Variants in OSBPL1A observed in about 807,000 individuals in gnomAD.
The protein encoded by OSBPL1A is oxysterol-binding protein-related protein 1.
OSBPL1A carries 80 observed loss-of-function variants against 137.1 expected under a neutral mutation model. The observed-to-expected ratio is 0.58, with a 90% CI of 0.49 to 0.70. The LOEUF (loss-of-function observed/expected upper bound fraction) is 0.70, where lower values mean the gene tolerates loss of function less well. OSBPL1A is among the 30% of genes least tolerant of loss of function. The pLI, the probability that OSBPL1A is intolerant of heterozygous loss-of-function variation, is 0.00. For synonymous variants in OSBPL1A, 365 were observed against 389.7 expected (o/e 0.94, Z 0.75); for missense variants, 970 against 1,129.4 (o/e 0.86, Z 2.02).
chr18:24,300,404 G>C (rs1333662512), intron 14 of OSBPL1A, among the ~76,000 whole-genome samples: 1 of 152,164 alleles, frequency 6.6e-6, no homozygotes, highest in East Asian at 1.9e-4. Context: ...ATTTATAAAA[G>C]ATTTTCAATG....
chr18:24,307,900 G>A (rs1158670423), intron 13 of OSBPL1A, among the ~76,000 whole-genome samples: 2 of 149,236 alleles, frequency 1.3e-5, no homozygotes, highest in African/African-American at 2.5e-5. Flanking sequence ...AGTGATTCTC[G>A]TGCCTCAGGC....
chr18:24,357,641 A>C (rs2091559342), intron 4 of OSBPL1A: 1 of 152,084 alleles, frequency 6.6e-6, no homozygotes, highest in Non-Finnish European at 1.5e-5. Context: ...CCAAAATTTA[A>C]TTTCCTTTCA....
intron 1 of OSBPL1A, among the ~76,000 whole-genome samples, chr18:24,384,507 A>G (rs988042087): frequency 1.3e-5 from 2 of 151,104 alleles, no homozygotes; most frequent in African/African-American, 4.9e-5. Context: ...CCGGGAGGTT[A>G]CAGTGAGCTG....
At chr18:24,368,064 G>A (rs1905289292) in intron 3 of OSBPL1A, 8 of 330,612 alleles carry the variant, frequency 2.4e-5, no homozygotes. Context: ...ATTTTTAAAA[G>A]CTAGTAATAA....
chr18:24,361,951 C>T (rs370931825), intron 4 of OSBPL1A, among the ~76,000 whole-genome samples: 2 of 143,564 alleles, frequency 1.4e-5, no homozygotes, highest in East Asian at 4.1e-4. Context: ...GAAGTGAGAT[C>T]GTGCCACTGC....
chr18:24,332,669 A>G (rs184518095), intron 7 of OSBPL1A, among the ~76,000 whole-genome samples: 1 of 152,266 alleles, frequency 6.6e-6, no homozygotes, highest in East Asian at 1.9e-4. Context: ...CCTAGGAACA[A>G]TAGTTCAGTG....
In OSBPL1A at chr18:24,256,938, C is replaced by T. The variant is rs747693027; in HGVS notation, c.1282-17556G>A. Reference sequence around the variant, plus strand: ...GATCTCTATGGTGAAAACTATAAAACGCTGATGAAAGAACTGAAGAGGATG... The same window carrying T: ...GATCTCTATGGTGAAAACTATAAAATGCTGATGAAAGAACTGAAGAGGATG... On this transcript the variant is annotated intron_variant, in intron 15 of 27. Coordinates refer to ENST00000319481, the MANE Select transcript of OSBPL1A (RefSeq NM_080597.4). Among the ~76,000 whole-genome samples the T allele has an allele frequency of 8.4e-5, 8 of 95,098 alleles. No individual in the cohort carries two copies. The East Asian group carries it at 1.1e-3, about 13-fold the overall frequency. 62.4% of individuals were successfully genotyped at this position (95,098 alleles called of 152,430 possible). A position where few individuals can be genotyped will look rare whatever the true frequency, so the allele number is the denominator to read the frequency against.
chr18:24,372,881 T>G lies in OSBPL1A; in HGVS notation c.122-4509A>C, dbSNP rs542248553. ...GAGTTGGAGACCAGCCTGGCCAACATGGTGAAACCCTGTCTCTACTAAAAA... is the reference window on the plus strand; with the variant it reads ...GAGTTGGAGACCAGCCTGGCCAACAGGGTGAAACCCTGTCTCTACTAAAAA... On this transcript the variant is annotated intron_variant, in intron 2 of 27. Coordinates refer to ENST00000319481, the MANE Select transcript of OSBPL1A (RefSeq NM_080597.4). Among the ~76,000 whole-genome samples, 6 of 152,182 alleles carry G rather than the reference T, an allele frequency of 3.9e-5. No individual in the cohort carries two copies. The East Asian group carries it at 1.2e-3, about 29-fold the overall frequency.
chr18:24,202,613 A>G (rs917545814), intron 17 of OSBPL1A, among the ~76,000 whole-genome samples: 1 of 152,262 alleles, frequency 6.6e-6, no homozygotes, highest in Non-Finnish European at 1.5e-5. Flanking sequence ...TGTTATTATC[A>G]TAATCTACAT....
At chr18:24,185,471 T>C (rs1237862158) in intron 18 of OSBPL1A, among the ~76,000 whole-genome samples, 1 of 151,962 alleles carries the variant, frequency 6.6e-6, no homozygotes, top group African/African-American at 2.4e-5. Flanking sequence ...AGGCACGTGC[T>C]ACCACGCCCA....
At chr18:24,302,420 G>A (rs2090421153) in intron 14 of OSBPL1A, 1 of 151,498 alleles carries the variant, frequency 6.6e-6, no homozygotes, top group Non-Finnish European at 1.5e-5. Context: ...TGATTTGTAG[G>A]CTATTTATTT....
intron 15 of OSBPL1A, among the ~76,000 whole-genome samples, chr18:24,265,571 CAACA>C (rs1281670465): frequency 6.6e-6 from 1 of 152,152 alleles, no homozygotes. Flanking sequence ...AGAAAAACAA[CAACA>C]AAAATCTCCC....
intron 13 of OSBPL1A, chr18:24,311,503 C>T (rs749404532): frequency 2.2e-4 from 217 of 986,652 alleles, no homozygotes; most frequent in Non-Finnish European, 2.5e-4. Flanking sequence ...CTTCAGAAGA[C>T]TTCTCCATTC....
intron 14 of OSBPL1A, among the ~76,000 whole-genome samples, chr18:24,285,197 C>T (rs539879420): frequency 6.6e-6 from 1 of 152,316 alleles, no homozygotes; most frequent in South Asian, 2.1e-4. Context: ...CCTCTGTAAA[C>T]TCTAAACCTC....
At chr18:24,222,154 TTTC>T (rs2087913502) in intron 17 of OSBPL1A, among the ~76,000 whole-genome samples, 1 of 144,738 alleles carries the variant, frequency 6.9e-6, no homozygotes, top group Admixed American at 6.7e-5. Context: ...CAGATGAAGT[TTTC>T]TTCTATTTGT....
chr18:24,364,649 G>C (rs1193658274), intron 4 of OSBPL1A: 2 of 151,532 alleles, frequency 1.3e-5, no homozygotes, highest in Admixed American at 6.6e-5. Flanking sequence ...TATATTAGCT[G>C]GCCAGACTCA....
chr18:24,301,652 GTTA>G (rs2090402937), intron 14 of OSBPL1A, among the ~76,000 whole-genome samples: 1 of 152,112 alleles, frequency 6.6e-6, no homozygotes, highest in South Asian at 2.1e-4. Context: ...ATATGACACC[GTTA>G]TTATCTTAAA....
At chr18:24,294,550 A>G (rs1325906278) in intron 14 of OSBPL1A, among the ~76,000 whole-genome samples, 3 of 151,422 alleles carry the variant, frequency 2.0e-5, no homozygotes, top group African/African-American at 7.3e-5. Context: ...GTAGATTTTA[A>G]TTTCTCCCCC....
intron 20 of OSBPL1A, among the ~76,000 whole-genome samples, chr18:24,178,734 T>C (rs2086520838): frequency 1.3e-5 from 2 of 152,168 alleles, no homozygotes. Context: ...TTTGAATGAT[T>C]TGCATGAAAA....
Sources: gnomAD v4.1 joint callset for allele counts (sites outside exome capture counted in the v4.1 genomes callset) on GRCh38, gnomAD v4.1.1 for gene constraint, MANE v1.5 for transcripts, NCBI Gene and HGNC (gene_info 2026-07-23, HGNC 2026-07-21) for gene names.